DIP2C: variants seen among roughly 807,000 people sequenced by gnomAD.
DIP2C encodes disco-interacting protein 2 homolog C.
In DIP2C, 33 loss-of-function variants were observed where a neutral mutation model predicts 192.4. That is an observed-to-expected ratio of 0.17 (90% CI 0.13 to 0.23). The LOEUF (loss-of-function observed/expected upper bound fraction) is 0.23. DIP2C is among the 10% of genes least tolerant of loss of function. The pLI is 1.00. For missense variants in DIP2C, 1,537 were observed against 2,110.1 expected, an observed-to-expected ratio of 0.73 and a Z score of 5.32; for synonymous variants, 979 against 864.1, an observed-to-expected ratio of 1.13 and a Z score of -2.33.
chr10:412,337 C>T (rs920410803), intron 8 of DIP2C, among the ~76,000 whole-genome samples: 1 of 152,182 alleles, frequency 6.6e-6, no homozygotes, highest in Admixed American at 6.5e-5. Context: ...TGGAATTCCC[C>T]GCATGTAGGC....
intron 1 of DIP2C, among the ~76,000 whole-genome samples, chr10:548,906 G>T (rs1848444911): frequency 7.1e-5 from 1 of 14,166 alleles, no homozygotes; most frequent in Non-Finnish European, 1.4e-4. Context: ...AAAAATAGCA[G>T]CTCACAAAAA....
chr10:496,126 ACT>A (rs1844813540), intron 1 of DIP2C, among the ~76,000 whole-genome samples: 1 of 132,436 alleles, frequency 7.6e-6, no homozygotes, highest in Non-Finnish European at 1.6e-5. Context: ...TCTCTACATT[ACT>A]CTCAATACCC....
chr10:532,351 C>A (rs1847420636), intron 1 of DIP2C, among the ~76,000 whole-genome samples: 1 of 152,208 alleles, frequency 6.6e-6, no homozygotes, highest in Non-Finnish European at 1.5e-5. Context: ...TGGACAGACC[C>A]TTCTCAAACC....
chr10:649,216 A>T (rs1242580056), intron 1 of DIP2C, among the ~76,000 whole-genome samples: 1 of 150,110 alleles, frequency 6.7e-6, no homozygotes, highest in Non-Finnish European at 1.5e-5. Context: ...GAACAGAGGG[A>T]AACTGAGTCC....
chr10:551,827 C>A (rs1220646653), intron 1 of DIP2C, among the ~76,000 whole-genome samples: 1 of 152,208 alleles, frequency 6.6e-6, no homozygotes, highest in Non-Finnish European at 1.5e-5. Flanking sequence ...CGGGCCACTG[C>A]ACCTTTGAAA....
At chr10:330,760 C>CCT (rs1957470054) in intron 29 of DIP2C, among the ~76,000 whole-genome samples, 1 of 151,728 alleles carries the variant, frequency 6.6e-6, no homozygotes, top group Non-Finnish European at 1.5e-5. Flanking sequence ...ATGTGCCTGG[C>CCT]CTCCCAAAGT....
intron 1 of DIP2C, among the ~76,000 whole-genome samples, chr10:515,082 C>T (rs1846263344): frequency 6.6e-6 from 1 of 152,166 alleles, no homozygotes; most frequent in Admixed American, 6.5e-5. Flanking sequence ...TTAGTGTTAT[C>T]ACTATTAAGA....
intron 1 of DIP2C, among the ~76,000 whole-genome samples, chr10:615,638 AC>A (rs938963085): frequency 6.4e-4 from 95 of 149,280 alleles, no homozygotes; most frequent in African/African-American, 2.3e-3. Context: ...CGCCCCACAC[AC>A]ACACACAGGG....
intron 1 of DIP2C, chr10:664,542 C>G (rs1358094707): frequency 6.6e-6 from 1 of 152,098 alleles, no homozygotes; most frequent in East Asian, 1.9e-4. Context: ...ACACATAAGC[C>G]CAGTTATACA....
chr10:412,096 C>T (rs1244242858), intron 8 of DIP2C, among the ~76,000 whole-genome samples: 1 of 152,220 alleles, frequency 6.6e-6, no homozygotes, highest in East Asian at 1.9e-4. Flanking sequence ...GTCTCCCATT[C>T]ATCTTAACCT....
At chr10:480,268 A>G (rs1311709539) in intron 2 of DIP2C, among the ~76,000 whole-genome samples, 1 of 139,074 alleles carries the variant, frequency 7.2e-6, no homozygotes, top group Non-Finnish European at 1.5e-5. Flanking sequence ...CACCAGCCTG[A>G]GCTCCGGGGT....
At chr10:548,210 C>CG (rs1554897785) in intron 1 of DIP2C, among the ~76,000 whole-genome samples, 2 of 103,540 alleles carry the variant, frequency 1.9e-5, no homozygotes, top group South Asian at 5.0e-4. Flanking sequence ...TCTGCCCCAC[C>CG]CCCCCCCCCA....
At chr10:294,554 A>G (rs559977660) in intron 32 of DIP2C, among the ~76,000 whole-genome samples, 54 of 151,962 alleles carry the variant, frequency 3.6e-4, no homozygotes, top group Admixed American at 7.9e-4. Flanking sequence ...GGATCATGCC[A>G]CTGCACTCCA....
chr10:584,590 C>A (rs1412875385), intron 1 of DIP2C, among the ~76,000 whole-genome samples: 1 of 112,406 alleles, frequency 8.9e-6, no homozygotes, highest in Non-Finnish European at 1.8e-5. Flanking sequence ...CCCCCACTCA[C>A]GCGCATCACC....
chr10:648,789 G>A (rs1256242156), intron 1 of DIP2C, among the ~76,000 whole-genome samples: 1 of 149,892 alleles, frequency 6.7e-6, no homozygotes, highest in African/African-American at 2.5e-5. Context: ...GTCCACATTT[G>A]ACGGTGGGAG....
At chr10:470,081 T>C (rs1013597735) in intron 3 of DIP2C, among the ~76,000 whole-genome samples, 10 of 152,002 alleles carry the variant, frequency 6.6e-5, no homozygotes, top group African/African-American at 2.4e-4. Flanking sequence ...TGGACGTAAA[T>C]GGATGCTTGA....
Position 363,527 on chromosome 10 carries a change from C to T in DIP2C, c.2478-216G>A, listed in dbSNP as rs1003122662. ...GCTGCCGAGGCAAGGTCACCCTGAT[C>T]CCCACGGAGGCCACACACAGCACCC... On this transcript the variant is annotated intron_variant, in intron 20 of 36. Transcript: ENST00000280886. This position sits in a 1 kb window ranked among gnomAD's most constrained non-coding sequence, Gnocchi z 5.4. Among the ~76,000 whole-genome samples the T allele has an allele frequency of 6.6e-6, 1 of 152,192 alleles. No individual in the cohort carries two copies. The highest frequency in any genetic ancestry group is 1.5e-5 in the Non-Finnish European group (1 of 68,034).
At position 337,168 on chromosome 10, in the gene DIP2C, T is replaced by C. The variant is rs541140339; in HGVS notation, c.3584+4031A>G. Among the ~76,000 whole-genome samples the C allele has an allele frequency of 6.2e-4, 87 of 139,456 alleles. 4 individuals carry two copies. Among genetic ancestry groups the C allele is most frequent in the African/African-American group, 2.2e-3 (82 of 36,546 alleles). 91.5% of individuals were successfully genotyped at this position (139,456 alleles called of 152,430 possible). A position where few individuals can be genotyped will look rare whatever the true frequency, so the allele number is the denominator to read the frequency against. ...TGTGTTGTGGAGGCCTAGGCTGATG[T>C]GTGCATGCGTGTGGTGGAGGCCTAG... On this transcript the variant is annotated intron_variant, in intron 29 of 36. Coordinates refer to ENST00000280886, the MANE Select transcript of DIP2C (RefSeq NM_014974.3).
At chr10:343,046 T>C (rs1958236152) in intron 28 of DIP2C, among the ~76,000 whole-genome samples, 1 of 152,168 alleles carries the variant, frequency 6.6e-6, no homozygotes, top group Admixed American at 6.5e-5. Context: ...TCCCAGCACT[T>C]TGGGAGGCCG....
Sources: gnomAD v4.1 joint callset for allele counts (sites outside exome capture counted in the v4.1 genomes callset) on GRCh38, gnomAD v4.1.1 for gene constraint, Gnocchi (gnomAD v3.1) non-coding constraint, MANE v1.5 for transcripts, NCBI Gene and HGNC (gene_info 2026-07-23, HGNC 2026-07-21) for gene names.